The following GRIN2A variants were observed in gnomAD, a reference collection of about 807,000 sequenced individuals.
The protein encoded by GRIN2A is glutamate ionotropic receptor NMDA type subunit 2A, also known as glutamate receptor ionotropic, NMDA 2A.
A neutral mutation model predicts 113.4 loss-of-function variants in GRIN2A; 22 were observed. The observed-to-expected ratio is 0.19, with a 90% CI of 0.14 to 0.28. The LOEUF (loss-of-function observed/expected upper bound fraction) is 0.28, where lower values mean the gene tolerates loss of function less well. GRIN2A is among the 10% of genes least tolerant of loss of function. GRIN2A has a pLI of 1.00. For synonymous variants in GRIN2A, 827 were observed against 738.4 expected (o/e 1.12, Z -1.94); for missense variants, 1,502 against 1,887.0 (o/e 0.80, Z 3.78).
intron 2 of GRIN2A, among the ~76,000 whole-genome samples, chr16:10,072,146 C>T (rs888826357): frequency 2.6e-5 from 4 of 152,300 alleles, no homozygotes; most frequent in South Asian, 2.1e-4. Context: ...CTTTCACCAT[C>T]GTGAGAGTGA....
intron 2 of GRIN2A, among the ~76,000 whole-genome samples, chr16:10,176,159 C>G (rs577961237): frequency 6.6e-6 from 1 of 151,976 alleles, no homozygotes; most frequent in African/African-American, 2.4e-5. Flanking sequence ...GGGCCTGCCA[C>G]CACATCCAGC....
At chr16:9,803,409 C>G in intron 10 of GRIN2A, among the ~76,000 whole-genome samples, 1 of 151,008 alleles carries the variant, frequency 6.6e-6, no homozygotes, top group Non-Finnish European at 1.5e-5. Flanking sequence ...GAGCAAAACT[C>G]CATCTCAAAA....
chr16:10,015,900 T>C (rs1023162427), intron 2 of GRIN2A, among the ~76,000 whole-genome samples: 3 of 151,796 alleles, frequency 2.0e-5, no homozygotes, highest in Non-Finnish European at 4.4e-5. Flanking sequence ...GAGGTCGAGG[T>C]GGGAGGATCA....
intron 2 of GRIN2A, chr16:10,111,475 C>T: frequency 1.5e-6 from 1 of 645,570 alleles, no homozygotes; most frequent in East Asian, 2.8e-5. Flanking sequence ...CTGCCGCACC[C>T]ACAACAACTT....
At chr16:9,952,463 A>T (rs1343018451) in intron 2 of GRIN2A, among the ~76,000 whole-genome samples, 2 of 152,130 alleles carry the variant, frequency 1.3e-5, no homozygotes, top group Non-Finnish European at 2.9e-5. Flanking sequence ...ACACATGCAA[A>T]AAAAAAGAAA....
At chr16:10,015,902 G>T (rs1268245964) in intron 2 of GRIN2A, among the ~76,000 whole-genome samples, 2 of 152,058 alleles carry the variant, frequency 1.3e-5, no homozygotes, top group East Asian at 3.9e-4. Context: ...GGTCGAGGTG[G>T]GAGGATCACC....
intron 10 of GRIN2A, among the ~76,000 whole-genome samples, chr16:9,801,248 G>C (rs935530576): frequency 1.3e-5 from 2 of 152,314 alleles, no homozygotes; most frequent in Admixed American, 6.5e-5. Context: ...TACTTGCAAC[G>C]TCAATACTTC....
chr16:9,902,422 A>T (rs1235427557), intron 3 of GRIN2A, among the ~76,000 whole-genome samples: 1 of 152,258 alleles, frequency 6.6e-6, no homozygotes, highest in Non-Finnish European at 1.5e-5. Flanking sequence ...GCCACAGGGT[A>T]GAAGGAGCCT....
intron 2 of GRIN2A, chr16:9,970,797 A>C: frequency 8.7e-6 from 7 of 801,012 alleles, no homozygotes; most frequent in South Asian, 5.7e-5. Context: ...TGGATATATC[A>C]AATATAGTTC....
chr16:9,894,648 A>G (rs2043766349), intron 3 of GRIN2A, among the ~76,000 whole-genome samples: 1 of 152,150 alleles, frequency 6.6e-6, no homozygotes, highest in Non-Finnish European at 1.5e-5. Context: ...AGGACTTCAA[A>G]GTAACTAATT....
chr16:10,121,783 T>C (rs921508069), intron 2 of GRIN2A, among the ~76,000 whole-genome samples: 4 of 152,114 alleles, frequency 2.6e-5, no homozygotes, highest in Non-Finnish European at 4.4e-5. Context: ...AAACCTGTTC[T>C]CCCCAGGAAA....
At chr16:9,827,667 G>A (rs1328198002) in intron 9 of GRIN2A, among the ~76,000 whole-genome samples, 1 of 152,220 alleles carries the variant, frequency 6.6e-6, no homozygotes, top group African/African-American at 2.4e-5. Flanking sequence ...AAAATCTGCT[G>A]AGGATCCCTG....
At chr16:10,044,172 G>A (rs1473832148) in intron 2 of GRIN2A, among the ~76,000 whole-genome samples, 2 of 151,350 alleles carry the variant, frequency 1.3e-5, no homozygotes, top group Non-Finnish European at 1.5e-5. Context: ...CAATTCTCCC[G>A]CCTCCGTCTC....
At chr16:10,083,928 C>T (rs930561704) in intron 2 of GRIN2A, among the ~76,000 whole-genome samples, 1 of 152,068 alleles carries the variant, frequency 6.6e-6, no homozygotes, top group Admixed American at 6.6e-5. Flanking sequence ...ATGGTGAAAC[C>T]CTGTCTCTAC....
At chr16:9,848,062 A>G (rs1214103056) in intron 5 of GRIN2A, among the ~76,000 whole-genome samples, 1 of 147,048 alleles carries the variant, frequency 6.8e-6, no homozygotes, top group Non-Finnish European at 1.5e-5. Context: ...ATATAAATAT[A>G]TATTTTATAT....
At chr16:9,900,437 C>T (rs998176691) in intron 3 of GRIN2A, among the ~76,000 whole-genome samples, 5 of 152,086 alleles carry the variant, frequency 3.3e-5, no homozygotes, top group Admixed American at 6.5e-5. Context: ...AGGAGAGGAC[C>T]CTATATGCTG....
At chr16:10,023,077 C>T (rs1448889495) in intron 2 of GRIN2A, among the ~76,000 whole-genome samples, 1 of 152,096 alleles carries the variant, frequency 6.6e-6, no homozygotes, top group African/African-American at 2.4e-5. Flanking sequence ...CCAGACTTCC[C>T]AAGCCTGTAA....
chr16:10,147,916 A>G (rs1375197723), intron 2 of GRIN2A, among the ~76,000 whole-genome samples: 1 of 152,140 alleles, frequency 6.6e-6, no homozygotes, highest in Non-Finnish European at 1.5e-5. Context: ...CGACGGTGCT[A>G]CTGAAAGGTA....
At chr16:10,178,759 A>G (rs957266486) in intron 2 of GRIN2A, among the ~76,000 whole-genome samples, 5 of 152,260 alleles carry the variant, frequency 3.3e-5, no homozygotes, top group African/African-American at 1.2e-4. Flanking sequence ...TCGCTGAAAC[A>G]GAAGCAAAAG....
Sources: allele counts gnomAD v4.1 joint callset (sites outside exome capture counted in the v4.1 genomes callset), GRCh38; gene constraint gnomAD v4.1.1; transcripts MANE v1.5; gene names NCBI Gene and HGNC (gene_info 2026-07-23, HGNC 2026-07-21).